The following GLYATL3 variants were observed in gnomAD, a reference collection of about 807,000 sequenced individuals.
GLYATL3 encodes the protein glycine-N-acyltransferase like 3, also known as glycine N-acyltransferase-like protein 3.
Under a neutral mutation model 28.5 loss-of-function variants are expected in GLYATL3, and 31 were observed. The ratio of observed to expected loss-of-function variants is 1.09; its 90% confidence interval spans 0.82 to 1.47. The LOEUF is 1.47. Among genes scored for constraint, GLYATL3 ranks in the 40% most tolerant of loss-of-function variants. The pLI is 0.00. For missense variants in GLYATL3, 369 were observed against 351.5 expected, an observed-to-expected ratio of 1.05 and a Z score of -0.40; for synonymous variants, 141 against 140.2, an observed-to-expected ratio of 1.01 and a Z score of -0.04.
At chr6:49,525,083 A>T (rs919910323) in intron 5 of GLYATL3, among the ~76,000 whole-genome samples, 1 of 133,280 alleles carries the variant, frequency 7.5e-6, no homozygotes, top group Admixed American at 8.5e-5. Flanking sequence ...CAGAAGTTCT[A>T]TTCTAAAACA....
At chr6:49,509,960 TTCTTTC>T (rs1442594868) in intron 1 of GLYATL3, among the ~76,000 whole-genome samples, 3 of 117,524 alleles carry the variant, frequency 2.6e-5, no homozygotes, top group African/African-American at 2.9e-5. Context: ...CTTTCTTTCT[TTCTTTC>T]TTTCTTTCTT....
At chr6:49,514,074 T>G (rs113821049) in intron 2 of GLYATL3, among the ~76,000 whole-genome samples, 56 of 152,294 alleles carry the variant, frequency 3.7e-4, no homozygotes, top group African/African-American at 1.3e-3. Context: ...ATTATGAAAT[T>G]TAATTAATGA....
chr6:49,521,614 C>G, intron 4 of GLYATL3, 31 bp from the exon 5 acceptor site: 1 of 1,513,312 alleles, frequency 6.6e-7, no homozygotes, highest in Non-Finnish European at 8.9e-7. Context: ...CTAAAATGCC[C>G]ACATATTAAA....
At chr6:49,515,602 A>C in intron 2 of GLYATL3, 51 bp from the exon 3 acceptor site, 1 of 1,015,056 alleles carries the variant, frequency 9.9e-7, no homozygotes, top group Non-Finnish European at 1.5e-6. Context: ...ATAATATGTG[A>C]GTGAAACAGC....
chr6:49,511,939 GC>G (rs1324331223), intron 1 of GLYATL3, 23 bp from the exon 2 acceptor site: 2 of 856,306 alleles, frequency 2.3e-6, no homozygotes, highest in Non-Finnish European at 3.7e-6. Context: ...AAAATTAAAT[GC>G]CTACCTTCAA....
At position 49,513,610 on chromosome 6, in the gene GLYATL3, G is replaced by T. The variant is rs868812869; in HGVS notation, c.78+1542G>T. Among the ~76,000 whole-genome samples the T allele has an allele frequency of 6.6e-5, 10 of 152,240 alleles. No individual in the cohort carries two copies. The Middle Eastern group carries it at 0.02, about 311-fold the overall frequency. On this transcript the variant is annotated intron_variant, in intron 2 of 5. Coordinates refer to ENST00000371197, the MANE Select transcript of GLYATL3 (RefSeq NM_001010904.2). ...AAGATGAGCAGCCACATAATTTAAT[G>T]ATTAACAGAACAAACATGACCCTTC...
chr6:49,500,578 C>T (rs1768895591), intron 1 of GLYATL3, among the ~76,000 whole-genome samples: 2 of 152,168 alleles, frequency 1.3e-5, no homozygotes, highest in Admixed American at 1.3e-4. Flanking sequence ...GATGCTTGCT[C>T]TGTGCTTATA....
intron 1 of GLYATL3, among the ~76,000 whole-genome samples, chr6:49,500,399 T>TA (rs1359328013): frequency 6.6e-6 from 1 of 152,078 alleles, no homozygotes; most frequent in Non-Finnish European, 1.5e-5. Flanking sequence ...TCCAAGTGCT[T>TA]AAAAAAATGT....
chr6:49,510,262 G>A lies in GLYATL3; in HGVS notation c.-28-1701G>A, dbSNP rs563108848. Among the ~76,000 whole-genome samples the A allele has an allele frequency of 3.8e-3, 578 of 151,944 alleles. 1 individual carries two copies. Among genetic ancestry groups the A allele is most frequent in the African/African-American group, 0.013 (552 of 41,424 alleles). On this transcript the variant is annotated intron_variant, in intron 1 of 5. Transcript: ENST00000371197. ...TCTCCATGTTGGTCAGGCTGGTCTC[G>A]AACTCCTGACCTCAGGTGATCCACC...
intron 5 of GLYATL3, 63 bp downstream of exon 5, chr6:49,521,834 T>C: frequency 2.1e-6 from 3 of 1,400,050 alleles, no homozygotes; most frequent in Non-Finnish European, 1.9e-6. Context: ...CACGTAGCAG[T>C]AACTGGGGTA....
intron 4 of GLYATL3, among the ~76,000 whole-genome samples, chr6:49,519,216 T>C (rs1769271771): frequency 6.6e-6 from 1 of 152,148 alleles, no homozygotes; most frequent in Non-Finnish European, 1.5e-5. Context: ...CCTCAATCCA[T>C]CATTATATAG....
Position 49,511,981 on chromosome 6 carries a change from T to C in GLYATL3, c.-10T>C. ...TAATTAGGTGTGGAGTTGCAAGAGCTCTGGAAAAGATGTTGGTGCTAAACT... is the reference window on the plus strand; with the variant it reads ...TAATTAGGTGTGGAGTTGCAAGAGCCCTGGAAAAGATGTTGGTGCTAAACT... On this transcript the variant is annotated 5_prime_UTR_variant, in exon 2 of 6. Coordinates refer to ENST00000371197, the MANE Select transcript of GLYATL3 (RefSeq NM_001010904.2). 1.4e-6 allele frequency: 2 copies of C among 1,421,200 alleles called. No homozygotes were observed. The highest frequency in any genetic ancestry group is 1.9e-6 in the Non-Finnish European group (2 of 1,039,992). The allele number at this position is 1,421,200 out of a possible 1,614,324, so 88.0% of individuals were successfully genotyped here. A position where few individuals can be genotyped will look rare whatever the true frequency, so the allele number is the denominator to read the frequency against.
intron 2 of GLYATL3, among the ~76,000 whole-genome samples, chr6:49,514,585 C>G (rs1286932821): frequency 6.6e-6 from 1 of 152,166 alleles, no homozygotes; most frequent in East Asian, 1.9e-4. Context: ...AATTTCAATA[C>G]TTTGGAAGGC....
chr6:49,502,509 T>C (rs1344771948), intron 1 of GLYATL3, among the ~76,000 whole-genome samples: 1 of 152,188 alleles, frequency 6.6e-6, no homozygotes. Context: ...TTATAGAAAA[T>C]CAGAAGTATT....
chr6:49,515,384 G>A (rs1321904015), intron 2 of GLYATL3, among the ~76,000 whole-genome samples: 1 of 152,064 alleles, frequency 6.6e-6, no homozygotes, highest in Non-Finnish European at 1.5e-5. Context: ...TATGAATTTG[G>A]TACCTCTCAC....
rs188423919 is a variant in GLYATL3 at position 49,510,293 on chromosome 6, C to T, written c.-28-1670C>T. Among the ~76,000 whole-genome samples the T allele has an allele frequency of 5.0e-3, 768 of 152,182 alleles. 4 individuals are homozygous for T. Among genetic ancestry groups the T allele is most frequent in the African/African-American group, 0.017 (713 of 41,506 alleles). On this transcript the variant is annotated intron_variant, in intron 1 of 5. Coordinates refer to ENST00000371197, the MANE Select transcript of GLYATL3 (RefSeq NM_001010904.2). ...CTGACCTCAGGTGATCCACCCGCCTCGGCCTTCCAAAGTGCTGGGATTACA... is the reference window on the plus strand; with the variant it reads ...CTGACCTCAGGTGATCCACCCGCCTTGGCCTTCCAAAGTGCTGGGATTACA...
chr6:49,523,387 T>C (rs1769349255), intron 5 of GLYATL3, among the ~76,000 whole-genome samples: 1 of 152,228 alleles, frequency 6.6e-6, no homozygotes, highest in East Asian at 1.9e-4. Flanking sequence ...AACTTATTAT[T>C]AGACACTCAG....
At chr6:49,523,204 C>A (rs964734733) in intron 5 of GLYATL3, among the ~76,000 whole-genome samples, 1 of 152,202 alleles carries the variant, frequency 6.6e-6, no homozygotes, top group Non-Finnish European at 1.5e-5. Flanking sequence ...TCCAAGAGTT[C>A]TCTCTCAGTG....
intron 3 of GLYATL3, among the ~76,000 whole-genome samples, chr6:49,516,815 T>A (rs923028461): frequency 6.6e-6 from 1 of 151,668 alleles, no homozygotes; most frequent in Admixed American, 6.6e-5. Context: ...AAATAATTTT[T>A]AAAATTTTTA....
Sources: gnomAD v4.1 joint callset for allele counts (sites outside exome capture counted in the v4.1 genomes callset) on GRCh38, gnomAD v4.1.1 for gene constraint, MANE v1.5 for transcripts, NCBI Gene and HGNC (gene_info 2026-07-23, HGNC 2026-07-21) for gene names.